The following DENND5B variants were observed in gnomAD, a reference collection of about 807,000 sequenced individuals.
DENND5B encodes the protein DENN domain containing 5B.
In DENND5B, 34 loss-of-function variants were observed where a neutral mutation model predicts 140.6. The observed-to-expected ratio is 0.24, with a 90% CI of 0.18 to 0.32. DENND5B has a LOEUF of 0.32. Ranked by LOEUF, DENND5B falls within the 10% of genes least tolerant of loss-of-function variation. The pLI, the probability that DENND5B is intolerant of heterozygous loss-of-function variation, is 1.00. For synonymous variants in DENND5B, 551 were observed against 562.1 expected, an observed-to-expected ratio of 0.98 and a Z score of 0.28; for missense variants, 1,142 against 1,560.2, an observed-to-expected ratio of 0.73 and a Z score of 4.52.
intron 4 of DENND5B, among the ~76,000 whole-genome samples, chr12:31,455,751 G>A (rs1944743478): frequency 6.6e-6 from 1 of 152,208 alleles, no homozygotes; most frequent in Non-Finnish European, 1.5e-5. Context: ...GCTGGGCATG[G>A]TGGCTCATGC....
Position 31,386,668 on chromosome 12 carries a change from A to G in DENND5B, c.*935T>C, listed in dbSNP as rs1940865300. 6.6e-6 allele frequency: 1 copy of G among 152,232 alleles called. No individual in the cohort carries two copies. The highest frequency in any genetic ancestry group is 1.5e-5 in the Non-Finnish European group (1 of 68,052). The allele number at this position is 152,232 out of a possible 1,614,324, so 9.4% of individuals were successfully genotyped here. A position where few individuals can be genotyped will look rare whatever the true frequency, so the allele number is the denominator to read the frequency against. The stretch of plus-strand genomic sequence containing the variant: ...ATGGGCCCTGGAGAGGTGGGTGATT[A>G]GACCCTAACAAAGACAGGGCTCATG... On this transcript the variant is annotated 3_prime_UTR_variant, in exon 21 of 21. Transcript: ENST00000389082.
At chr12:31,587,292 G>C (rs1950426488) in intron 1 of DENND5B, among the ~76,000 whole-genome samples, 1 of 152,112 alleles carries the variant, frequency 6.6e-6, no homozygotes, top group Admixed American at 6.6e-5. Context: ...CTGATTTCCA[G>C]TCTGATTCTC....
At chr12:31,549,356 T>TA (rs1948963151) in intron 1 of DENND5B, among the ~76,000 whole-genome samples, 2 of 152,154 alleles carry the variant, frequency 1.3e-5, no homozygotes, top group African/African-American at 2.4e-5. Flanking sequence ...CCTGATTTTT[T>TA]AAAAAATGTG....
intron 3 of DENND5B, among the ~76,000 whole-genome samples, chr12:31,476,780 C>G (rs1250380346): frequency 6.6e-6 from 1 of 152,058 alleles, no homozygotes; most frequent in African/African-American, 2.4e-5. Flanking sequence ...CACAGTGAGA[C>G]CCCATCTCTA....
chr12:31,540,266 C>T (rs1948641048), intron 1 of DENND5B, among the ~76,000 whole-genome samples: 1 of 152,100 alleles, frequency 6.6e-6, no homozygotes, highest in Non-Finnish European at 1.5e-5. Flanking sequence ...TTGGAAAACT[C>T]AATATTGTTA....
Position 31,383,799 on chromosome 12 carries a change from T to C in DENND5B, c.*3804A>G, listed in dbSNP as rs571444766. 1.3e-5 allele frequency: 2 copies of C among 152,300 alleles called. No homozygotes were observed. Among genetic ancestry groups the C allele is most frequent in the African/African-American group, 4.8e-5 (2 of 41,560 alleles). The allele number at this position is 152,300 out of a possible 1,614,324, so 9.4% of individuals were successfully genotyped here. A position where few individuals can be genotyped will look rare whatever the true frequency, so the allele number is the denominator to read the frequency against. On this transcript the variant is annotated 3_prime_UTR_variant, in exon 21 of 21. Coordinates refer to ENST00000389082, the MANE Select transcript of DENND5B (RefSeq NM_144973.4). Reference sequence around the variant, plus strand: ...ACATCAGTGTAATGCCACTGTGTCATAAAGGTCAAGATTAGGGGTTTCATG... The same window carrying C: ...ACATCAGTGTAATGCCACTGTGTCACAAAGGTCAAGATTAGGGGTTTCATG...
intron 1 of DENND5B, among the ~76,000 whole-genome samples, chr12:31,547,589 G>A (rs777003676): frequency 6.6e-6 from 1 of 151,872 alleles, no homozygotes; most frequent in Non-Finnish European, 1.5e-5. Context: ...GTAGAGATGG[G>A]GTTTCATCAT....
chr12:31,450,292 A>G (rs1344454807), intron 5 of DENND5B, among the ~76,000 whole-genome samples: 1 of 152,174 alleles, frequency 6.6e-6, no homozygotes, highest in Non-Finnish European at 1.5e-5. Flanking sequence ...AACAAAGAAC[A>G]CCAGAACGTA....
chr12:31,392,723 T>C, intron 17 of DENND5B, 27 bp from the exon 18 acceptor site: 1 of 1,542,438 alleles, frequency 6.5e-7, no homozygotes, highest in East Asian at 2.4e-5. Flanking sequence ...AGTGGCTGCA[T>C]TCTCATGGGA....
Position 31,393,002 on chromosome 12 carries a change from C to A in DENND5B, c.3257-306G>T, listed in dbSNP as rs708217. ...CTCAACTGAAAATAGGAAAAATACA[C>A]GCCTCACTGGGAAAACTGGTAAGTT... On this transcript the variant is annotated intron_variant, in intron 17 of 20. Transcript: ENST00000389082. Among the ~76,000 whole-genome samples, 332 of 152,200 alleles carry A rather than the reference C, an allele frequency of 2.2e-3. 3 individuals are homozygous for A. The highest frequency in any genetic ancestry group is 7.6e-3 in the African/African-American group (315 of 41,534).
At chr12:31,487,527 C>G (rs1289994081) in intron 2 of DENND5B, among the ~76,000 whole-genome samples, 1 of 152,030 alleles carries the variant, frequency 6.6e-6, no homozygotes. Context: ...ATGACGAAAC[C>G]CTGCCTCTAC....
chr12:31,445,066 C>T (rs1289843852), intron 6 of DENND5B, among the ~76,000 whole-genome samples: 1 of 152,152 alleles, frequency 6.6e-6, no homozygotes, highest in Non-Finnish European at 1.5e-5. Context: ...TTTGCTGCCT[C>T]CTTTTTCTCC....
intron 6 of DENND5B, 84 bp from the exon 7 acceptor site, chr12:31,443,009 G>A: frequency 7.7e-7 from 1 of 1,299,002 alleles, no homozygotes; most frequent in Non-Finnish European, 1.1e-6. Context: ...TGCACCTACA[G>A]AGAACCCAAT....
At chr12:31,485,736 C>CCTCTCTCTCTCTCTCT (rs55748263) in intron 2 of DENND5B, among the ~76,000 whole-genome samples, 1 of 149,684 alleles carries the variant, frequency 6.7e-6, no homozygotes, top group Non-Finnish European at 1.5e-5. Context: ...GCTTCCATCT[C>CCTCTCTCTCTCTCTCT]CTCTCTCTCT....
chr12:31,536,442 C>A (rs1948496400), intron 1 of DENND5B, among the ~76,000 whole-genome samples: 1 of 151,764 alleles, frequency 6.6e-6, no homozygotes, highest in Non-Finnish European at 1.5e-5. Context: ...TTGAAGAATG[C>A]ATCAGAGTTT....
At chr12:31,548,640 C>G (rs1324040965) in intron 1 of DENND5B, among the ~76,000 whole-genome samples, 2 of 152,086 alleles carry the variant, frequency 1.3e-5, no homozygotes, top group South Asian at 2.1e-4. Flanking sequence ...TCATGAGAAC[C>G]TGACATTTTC....
At position 31,565,335 on chromosome 12, in the gene DENND5B, A is replaced by T. The variant is rs143217688; in HGVS notation, c.127+25371T>A. On this transcript the variant is annotated intron_variant, in intron 1 of 20. Coordinates refer to ENST00000389082, the MANE Select transcript of DENND5B (RefSeq NM_144973.4). The stretch of plus-strand genomic sequence containing the variant: ...CTTGAGCCCAGGAGGCAGAGGTTGC[A>T]GTGAGCTGAGATCATCTCACAAAAA... 3.4e-3 allele frequency among the ~76,000 whole-genome samples: 524 copies of T among 152,336 alleles called. 5 individuals carry two copies. The highest frequency in any genetic ancestry group is 0.011 in the African/African-American group (471 of 41,592).
intron 3 of DENND5B, among the ~76,000 whole-genome samples, chr12:31,473,665 T>C (rs1591864218): frequency 1.3e-5 from 2 of 152,162 alleles, no homozygotes. Flanking sequence ...ACTACTAAGT[T>C]TGCTATTGGA....
At chr12:31,426,098 T>C (rs1307060753) in intron 9 of DENND5B, among the ~76,000 whole-genome samples, 195 bp downstream of exon 9, 1 of 152,224 alleles carries the variant, frequency 6.6e-6, no homozygotes, top group Non-Finnish European at 1.5e-5. Flanking sequence ...GGCTCTCATG[T>C]CATTGATTCT....
Sources: allele counts gnomAD v4.1 joint callset (sites outside exome capture counted in the v4.1 genomes callset), GRCh38; gene constraint gnomAD v4.1.1; transcripts MANE v1.5; gene names NCBI Gene and HGNC (gene_info 2026-07-23, HGNC 2026-07-21).